The following PRKDC variants were observed in gnomAD, a reference collection of about 807,000 sequenced individuals.
PRKDC encodes the protein protein kinase, DNA-activated, catalytic subunit.
A neutral mutation model predicts 486.9 loss-of-function variants in PRKDC; 82 were observed. The observed-to-expected ratio is 0.17, with a 90% CI of 0.14 to 0.20. The LOEUF is 0.20. PRKDC is among the 10% of genes least tolerant of loss of function. The probability of loss-of-function intolerance (pLI) is 1.00; values close to 1 mark genes in which losing one functional copy is unlikely to be tolerated. For synonymous variants in PRKDC, 1,895 were observed against 1,837.0 expected (o/e 1.03, Z -0.81); for missense variants, 4,504 against 5,038.2 (o/e 0.89, Z 3.21).
chr8:47,922,674 G>A (rs1018534020), intron 21 of PRKDC, among the ~76,000 whole-genome samples: 3 of 152,128 alleles, frequency 2.0e-5, no homozygotes, highest in Non-Finnish European at 2.9e-5. Context: ...ACATTTTCAT[G>A]TCTGGATCTC....
chr8:47,877,772 T>C lies in PRKDC; in HGVS notation c.5315A>G (p.His1772Arg). ...MTEVLCREQQ[H>R]VMEELFQSSF... The stretch of plus-strand genomic sequence containing the variant: ...GGATTGAAATAATTCTTCCATGACA[T>C]GCTGCTGTTCCCGACAAAGAACTTC... The change falls in exon 40 of 86, where the codon CAT becomes CGT. Residue 1772 changes from histidine (H) to arginine (R), a missense_variant. Physicochemically the swap from His to Arg is conservative, Grantham distance 29. Transcript: ENST00000314191. The C allele has an allele frequency of 1.9e-6, 3 of 1,598,134 alleles. No individual in the cohort carries two copies. Among genetic ancestry groups the C allele is most frequent in the Non-Finnish European group, 2.6e-6 (3 of 1,171,400 alleles).
chr8:47,805,174 C>G (rs2087194627), intron 69 of PRKDC: 1 of 152,098 alleles, frequency 6.6e-6, no homozygotes, highest in Admixed American at 6.6e-5. Flanking sequence ...TGCACTTGGA[C>G]TAGCCTCTAC....
intron 61 of PRKDC, among the ~76,000 whole-genome samples, chr8:47,828,861 G>A (rs1042800361): frequency 6.6e-6 from 1 of 152,190 alleles, no homozygotes; most frequent in South Asian, 2.1e-4. Context: ...CCCACCACCT[G>A]ACCACTTTAA....
In PRKDC at chr8:47,879,626, G is replaced by A. The variant is rs752949275; in HGVS notation, c.5100C>T (p.Thr1700=). 2.5e-6 allele frequency: 4 copies of A among 1,586,954 alleles called. No individual in the cohort carries two copies. The highest frequency in any genetic ancestry group is 1.2e-5 in the South Asian group (1 of 84,584). ...GQAVTLLPFF[T]SLTGGSLEEL... ...CCTCCAGACTGCCTCCAGTGAGGCT[G>A]GTGAAGAATGGAAGAAGAGTGACAG... is the stretch of plus-strand genomic sequence containing the variant. The change falls in exon 39 of 86, where the codon ACC becomes ACT. Residue 1700 remains threonine, a synonymous_variant. Transcript: ENST00000314191.
At chr8:47,811,665 A>T (rs1392718974) in intron 68 of PRKDC, among the ~76,000 whole-genome samples, 1 of 152,174 alleles carries the variant, frequency 6.6e-6, no homozygotes, top group African/African-American at 2.4e-5. Flanking sequence ...TCAACATATC[A>T]TTACTTCATA....
At position 47,798,013 on chromosome 8, in the gene PRKDC, C is replaced by T. The variant is rs545001553; in HGVS notation, c.10458+224G>A. 2.6e-5 allele frequency among the ~76,000 whole-genome samples: 4 copies of T among 152,332 alleles called. 1 individual carries two copies. Among genetic ancestry groups the T allele is most frequent in the South Asian group, 4.1e-4 (2 of 4,832 alleles). On this transcript the variant is annotated intron_variant, in intron 73 of 85. Transcript: ENST00000314191. ...GTCTCCATCTCTCTGGATCCTTGTT[C>T]AGACACAGTGTTTTTATCAACACCC... is the stretch of plus-strand genomic sequence containing the variant.
intron 29 of PRKDC, 66 bp from the exon 30 acceptor site, chr8:47,897,360 T>C: frequency 1.4e-6 from 2 of 1,421,866 alleles, no homozygotes; most frequent in Non-Finnish European, 9.4e-7. Flanking sequence ...ACCAAGGCTC[T>C]AGAAATCATA....
chr8:47,871,702 G>A lies in PRKDC; in HGVS notation c.5363+6022C>T, dbSNP rs577995662. Among the ~76,000 whole-genome samples, 206 of 152,244 alleles carry A rather than the reference G, an allele frequency of 1.4e-3. 1 individual carries two copies. Among genetic ancestry groups the A allele is most frequent in the African/African-American group, 4.5e-3 (188 of 41,542 alleles). On this transcript the variant is annotated intron_variant, in intron 40 of 85. Coordinates refer to ENST00000314191, the MANE Select transcript of PRKDC (RefSeq NM_006904.7). ...CGACCTCCACCTCCAGGGTTCAAGC[G>A]ATTCTCCTGCCTCAGCCTTCTGAGT...
chr8:47,935,008 C>G lies in PRKDC; in HGVS notation c.1497+1G>C. On this transcript the variant is annotated splice_donor_variant, in intron 14 of 85. Coordinates refer to ENST00000314191, the MANE Select transcript of PRKDC (RefSeq NM_006904.7). LOFTEE classifies it high-confidence loss of function. Reference sequence around the variant, plus strand: ...TTCTAAACATTAAATTCAGAATTTACCTTTGGAAGGACCACTGGTTTAGAA... The same window carrying G: ...TTCTAAACATTAAATTCAGAATTTAGCTTTGGAAGGACCACTGGTTTAGAA... 1 of 1,512,896 alleles carries G rather than the reference C, an allele frequency of 6.6e-7. No individual in the cohort carries two copies. 93.7% of individuals were successfully genotyped at this position (1,512,896 alleles called of 1,614,324 possible).
At chr8:47,786,973 C>T (rs572522198) in intron 76 of PRKDC, among the ~76,000 whole-genome samples, 82 of 151,954 alleles carry the variant, frequency 5.4e-4, no homozygotes, top group African/African-American at 1.8e-3. Context: ...GTGATCCGCC[C>T]GCCTCGCGCT....
At chr8:47,785,081 T>C in intron 77 of PRKDC, 32 bp downstream of exon 77, 1 of 1,594,810 alleles carries the variant, frequency 6.3e-7, no homozygotes, top group South Asian at 1.1e-5. Flanking sequence ...CTCCTGACAG[T>C]ACAGTTTTGT....
At chr8:47,801,411 G>A (rs2087106376) in intron 70 of PRKDC, among the ~76,000 whole-genome samples, 1 of 152,138 alleles carries the variant, frequency 6.6e-6, no homozygotes, top group South Asian at 2.1e-4. Flanking sequence ...AAAAATAAAT[G>A]TTGAAAGTAT....
intron 31 of PRKDC, 112 bp from the exon 32 acceptor site, chr8:47,890,592 A>C: frequency 4.3e-6 from 3 of 694,414 alleles, no homozygotes; most frequent in Non-Finnish European, 6.8e-6. Context: ...CAAAAATTCA[A>C]AATTTTTCAA....
chr8:47,869,326 C>CA (rs2088892002), intron 40 of PRKDC, among the ~76,000 whole-genome samples: 1 of 151,506 alleles, frequency 6.6e-6, no homozygotes, highest in Non-Finnish European at 1.5e-5. Flanking sequence ...ACTGGGATAC[C>CA]AGCTCAGCCA....
In PRKDC at chr8:47,820,939, G is replaced by C; in HGVS notation, c.9116C>G (p.Thr3039Arg). 6.4e-7 allele frequency: 1 copy of C among 1,559,724 alleles called. No individual in the cohort carries two copies. The highest frequency in any genetic ancestry group is 8.7e-7 in the Non-Finnish European group (1 of 1,149,970). ...KIWSEPFYQE[T>R]YLPYMIRSKL... Reference sequence around the variant, plus strand: ...GCTGCGGATCATGTAAGGTAGATATGTTTCCTAAGGAACATAAAAATATAC... The same window carrying C: ...GCTGCGGATCATGTAAGGTAGATATCTTTCCTAAGGAACATAAAAATATAC... The change falls in exon 66 of 86, where the codon ACA becomes AGA. Residue 3039 changes from threonine (T) to arginine (R), a missense_variant. Thr to Arg is a moderately conservative substitution (Grantham distance 71). Transcript: ENST00000314191.
chr8:47,831,416 G>C (rs1016508863), intron 60 of PRKDC, among the ~76,000 whole-genome samples: 4 of 152,240 alleles, frequency 2.6e-5, no homozygotes, highest in African/African-American at 9.6e-5. Context: ...CGGCTACGGA[G>C]TCTCCACGCC....
chr8:47,857,092 C>G, intron 49 of PRKDC, 64 bp downstream of exon 49: 13 of 1,517,622 alleles, frequency 8.6e-6, no homozygotes, highest in Non-Finnish European at 1.1e-5. Context: ...AATTATGTGT[C>G]ATAGGCTCTA....
chr8:47,796,021 A>G (rs532451453), intron 73 of PRKDC, among the ~76,000 whole-genome samples: 372 of 151,564 alleles, frequency 2.5e-3, no homozygotes, highest in Non-Finnish European at 4.1e-3. Context: ...CAGCCTCCCG[A>G]GTAGCTGGGA....
At position 47,839,206 on chromosome 8, in the gene PRKDC, A is replaced by G. The variant is rs1327470454; in HGVS notation, c.7495T>C (p.Phe2499Leu). The G allele has an allele frequency of 5.6e-6, 9 of 1,613,882 alleles. No homozygotes were observed. The highest frequency in any genetic ancestry group is 6.8e-6 in the Non-Finnish European group (8 of 1,179,818). Residue 2499 changes from phenylalanine (F) to leucine (L), a missense_variant, in exon 56 of 86, where the codon TTT becomes CTT. Physicochemically the swap from Phe to Leu is conservative, Grantham distance 22. Transcript: ENST00000314191. ...ATCAGCACATCTTTTGCCAACTTAAATATTTCCTGGGAGTCATTATCTGTC... is the reference window on the plus strand; with the variant it reads ...ATCAGCACATCTTTTGCCAACTTAAGTATTTCCTGGGAGTCATTATCTGTC... ...SETDNDSQEI[F>L]KLAKDVLIQG... is the part of the protein sequence containing the mutation.
Sources: allele counts gnomAD v4.1 joint callset (sites outside exome capture counted in the v4.1 genomes callset), GRCh38; gene constraint gnomAD v4.1.1; transcripts MANE v1.5; gene names NCBI Gene and HGNC (gene_info 2026-07-23, HGNC 2026-07-21).